SLC2A12: variants seen among roughly 807,000 people sequenced by gnomAD.
SLC2A12 encodes the protein solute carrier family 2, facilitated glucose transporter member 12.
In SLC2A12, 23 loss-of-function variants were observed where a neutral mutation model predicts 41.8. The ratio of observed to expected loss-of-function variants is 0.55; its 90% CI spans 0.40 to 0.78. The LOEUF is 0.78. Among genes scored for constraint, SLC2A12 ranks in the 30% least tolerant of loss-of-function variants. SLC2A12 has a pLI of 0.00. For synonymous variants in SLC2A12, 295 were observed against 285.9 expected (o/e 1.03, Z -0.32); for missense variants, 654 against 745.6 (o/e 0.88, Z 1.43).
chr6:134,033,649 T>C (rs535577916), intron 1 of SLC2A12, among the ~76,000 whole-genome samples: 1 of 152,240 alleles, frequency 6.6e-6, no homozygotes, highest in Non-Finnish European at 1.5e-5. Flanking sequence ...CACCTGGGGC[T>C]GCGGAGTTAA....
intron 1 of SLC2A12, among the ~76,000 whole-genome samples, chr6:134,030,816 G>A (rs539983667): frequency 1.3e-5 from 2 of 152,314 alleles, no homozygotes; most frequent in East Asian, 1.9e-4. Flanking sequence ...GGCCTTGTCG[G>A]TCACAGTGAT....
intron 3 of SLC2A12, among the ~76,000 whole-genome samples, chr6:134,004,043 T>G (rs1366578177): frequency 6.6e-6 from 1 of 152,246 alleles, no homozygotes; most frequent in East Asian, 1.9e-4. Flanking sequence ...TTTTTGTTTT[T>G]AAGTGGATCT....
At chr6:134,002,192 A>T (rs1582598407) in intron 3 of SLC2A12, 63 bp from the exon 4 acceptor site, 4 of 1,547,056 alleles carry the variant, frequency 2.6e-6, no homozygotes, top group Non-Finnish European at 3.5e-6. Flanking sequence ...CCATTTGTGA[A>T]CAGCCACTTA....
intron 2 of SLC2A12, among the ~76,000 whole-genome samples, chr6:134,023,057 T>C (rs1777066554): frequency 6.6e-6 from 1 of 151,958 alleles, no homozygotes. Context: ...CTTTCAAAGC[T>C]CCCCCTTTGC....
At chr6:134,043,275 G>A (rs1750155521) in intron 1 of SLC2A12, among the ~76,000 whole-genome samples, 1 of 152,118 alleles carries the variant, frequency 6.6e-6, no homozygotes, top group African/African-American at 2.4e-5. Context: ...TGGTGCAGGA[G>A]GGTGATCAGA....
At position 134,029,375 on chromosome 6, in the gene SLC2A12, G is replaced by A. The variant is rs886393204; in HGVS notation, c.450C>T (p.Ala150=). ...CAATCTCTGCGATGTAAACACAAGT[G>A]GCAATGGAAGAGAGGGAGATGGAGA... is the stretch of plus-strand genomic sequence containing the variant. ...IGVSISLSSI[A]TCVYIAEIAP... The change falls in exon 2 of 5, where the codon GCC becomes GCT. Residue 150 remains alanine, a synonymous_variant. Coordinates refer to ENST00000275230, the MANE Select transcript of SLC2A12 (RefSeq NM_145176.3). 2 of 1,614,174 alleles carry A rather than the reference G, an allele frequency of 1.2e-6. No homozygotes were observed. The highest frequency in any genetic ancestry group is 2.2e-5 in the East Asian group (1 of 44,876).
Position 134,029,692 on chromosome 6 carries a change from C to T in SLC2A12, c.133G>A (p.Val45Ile), listed in dbSNP as rs1223260681. The change falls in exon 2 of 5, where the codon GTC (valine) becomes ATC (isoleucine). Residue 45 changes from valine (V) to isoleucine (I), a missense_variant. By Grantham distance (29) the Val-to-Ile change is conservative. Around this residue, in one of 3 missense-constraint regions of SLC2A12, gnomAD observed 109 missense variants for 153.0 expected, o/e 0.71. Transcript: ENST00000275230. ...AGGAGGCCACTGACAGCAGCAGTGA[C>T]AGATGACAGGAAGGTAAACATGCCG... ...GCGMFTFLSS[V>I]TAAVSGLLVG... 6.2e-7 allele frequency: 1 copy of T among 1,605,680 alleles called. No homozygotes were observed. The highest frequency in any genetic ancestry group is 8.5e-7 in the Non-Finnish European group (1 of 1,178,002).
At chr6:133,993,080 C>G (rs959028223) in intron 4 of SLC2A12, among the ~76,000 whole-genome samples, 1 of 152,178 alleles carries the variant, frequency 6.6e-6, no homozygotes, top group Non-Finnish European at 1.5e-5. Flanking sequence ...TTCCTCCAGC[C>G]TCACTGTTGG....
At chr6:134,004,461 A>T (rs1776787016) in intron 3 of SLC2A12, among the ~76,000 whole-genome samples, 1 of 152,240 alleles carries the variant, frequency 6.6e-6, no homozygotes, top group Admixed American at 6.5e-5. Context: ...GTGTGTGTAT[A>T]TGTGTATATA....
At chr6:134,005,440 C>T (rs371455335) in intron 3 of SLC2A12, among the ~76,000 whole-genome samples, 30 of 151,692 alleles carry the variant, frequency 2.0e-4, no homozygotes, top group African/African-American at 6.5e-4. Flanking sequence ...AGGTGGATCA[C>T]GAGGTCAGGA....
chr6:134,018,807 G>A (rs1777002552), intron 2 of SLC2A12, among the ~76,000 whole-genome samples: 1 of 151,668 alleles, frequency 6.6e-6, no homozygotes, highest in African/African-American at 2.4e-5. Flanking sequence ...ATAAGATGTG[G>A]ATCTCCAGCA....
intron 1 of SLC2A12, 37 bp downstream of exon 1, chr6:134,052,341 T>C (rs770895981): frequency 1.2e-5 from 19 of 1,555,536 alleles, no homozygotes; most frequent in Non-Finnish European, 1.5e-5. Context: ...ACAGCTTGCT[T>C]CTCTGCGGTC....
chr6:134,007,154 G>T (rs1776825746), intron 2 of SLC2A12, among the ~76,000 whole-genome samples: 1 of 152,228 alleles, frequency 6.6e-6, no homozygotes, highest in African/African-American at 2.4e-5. Flanking sequence ...GGAGAGCTGG[G>T]CCATGGTCCC....
At chr6:133,995,257 CTGA>C (rs1197344056) in intron 4 of SLC2A12, among the ~76,000 whole-genome samples, 3 of 151,462 alleles carry the variant, frequency 2.0e-5, no homozygotes, top group African/African-American at 7.4e-5. Flanking sequence ...GGTTTCTGTG[CTGA>C]TGAGGAGTAG....
rs890166971 is a variant in SLC2A12, at chr6:133,988,450, G to C, written c.*2705C>G. 6.6e-6 allele frequency: 1 copy of C among 152,138 alleles called. No individual in the cohort carries two copies. The highest frequency in any genetic ancestry group is 1.5e-5 in the Non-Finnish European group (1 of 68,008). The allele number at this position is 152,138 out of a possible 1,614,324, so 9.4% of individuals were successfully genotyped here. A position where few individuals can be genotyped will look rare whatever the true frequency, so the allele number is the denominator to read the frequency against. On this transcript the variant is annotated 3_prime_UTR_variant, in exon 5 of 5. Transcript: ENST00000275230. Reference sequence around the variant, plus strand: ...AATGGGGACAATATTCCAACACAATGTTCCACAAAAACTTGTATTTCCAAA... The same window carrying C: ...AATGGGGACAATATTCCAACACAATCTTCCACAAAAACTTGTATTTCCAAA...
intron 1 of SLC2A12, among the ~76,000 whole-genome samples, chr6:134,044,999 T>A (rs1238197251): frequency 1.3e-5 from 2 of 152,148 alleles, no homozygotes; most frequent in African/African-American, 2.4e-5. Flanking sequence ...TACATCTGGA[T>A]TTAATGGCAC....
chr6:134,034,936 G>C (rs908194208), intron 1 of SLC2A12, among the ~76,000 whole-genome samples: 7 of 152,204 alleles, frequency 4.6e-5, no homozygotes, highest in African/African-American at 1.7e-4. Flanking sequence ...CTCCCAAAAA[G>C]TGCCATGGGG....
intron 1 of SLC2A12, among the ~76,000 whole-genome samples, chr6:134,042,445 G>A (rs536515903): frequency 1.3e-5 from 2 of 151,868 alleles, no homozygotes; most frequent in Non-Finnish European, 2.9e-5. Context: ...GAGAGAAAAG[G>A]CTAAAGTGCT....
At position 134,029,156 on chromosome 6, in the gene SLC2A12, A is replaced by G; in HGVS notation, c.669T>C (p.Phe223=). The part of the protein sequence containing the change: ...AMYFLPPSPR[F]LVMKGQEGAA... ...CTCCCTCTTGTCCTTTCATCACCAG[A>G]AACCGAGGGCTTGGAGGAAGAAAAT... Residue 223 remains phenylalanine (F), a synonymous_variant, in exon 2 of 5, where the codon TTT becomes TTC. Transcript: ENST00000275230. 1 of 1,614,136 alleles carries G rather than the reference A, an allele frequency of 6.2e-7. No individual in the cohort carries two copies. Among genetic ancestry groups the G allele is most frequent in the Non-Finnish European group, 8.5e-7 (1 of 1,180,036 alleles).
Sources: allele counts gnomAD v4.1 joint callset (sites outside exome capture counted in the v4.1 genomes callset), GRCh38; gene constraint gnomAD v4.1.1; regional missense constraint gnomAD v4.1.1; transcripts MANE v1.5; gene names NCBI Gene and HGNC (gene_info 2026-07-23, HGNC 2026-07-21).